Variants in AHNAK observed in about 807,000 individuals in gnomAD.
AHNAK encodes neuroblast differentiation-associated protein AHNAK.
In AHNAK, 23 loss-of-function variants were observed where a neutral mutation model predicts 37.8. The ratio of observed to expected loss-of-function variants is 0.61; its 90% CI spans 0.44 to 0.86. AHNAK has a LOEUF of 0.86. Ranked by LOEUF, AHNAK falls within the 40% of genes least tolerant of loss-of-function variation. The pLI is 0.00. For missense variants in AHNAK, 7,411 were observed against 7,319.4 expected (o/e 1.01, Z -0.46); for synonymous variants, 2,481 against 2,636.3 (o/e 0.94, Z 1.80).
In AHNAK at chr11:62,447,358, T is replaced by C. The variant is rs1938439901; in HGVS notation, c.443-13467A>G. Reference sequence around the variant, plus strand: ...CTGCCCAGTGGGATCTAGGGGGAGATTAGCAGGAATCTTCTGGGGACGATC... The same window carrying C: ...CTGCCCAGTGGGATCTAGGGGGAGACTAGCAGGAATCTTCTGGGGACGATC... On this transcript the variant is annotated intron_variant, in intron 5 of 5. Coordinates refer to the AHNAK transcript ENST00000257247. Among the ~76,000 whole-genome samples the C allele has an allele frequency of 2.0e-5, 3 of 151,936 alleles. No homozygotes were observed. The South Asian group carries it at 6.2e-4, about 32-fold the overall frequency.
In AHNAK at chr11:62,520,858, G is replaced by C. The variant is rs1565226739; in HGVS notation, c.13559C>G (p.Ser4520Cys). The C allele has an allele frequency of 6.2e-7, 1 of 1,614,118 alleles. No individual in the cohort carries two copies. The highest frequency in any genetic ancestry group is 8.5e-7 in the Non-Finnish European group (1 of 1,180,036). The change falls in exon 5 of 5, where the codon TCC becomes TGC. Residue 4520 changes from serine (S) to cysteine (C), a missense_variant. Transcript: ENST00000378024. Reference protein sequence around the residue: ...PDVHFKSPQISMSDIDLNLKG... With the variant: ...PDVHFKSPQICMSDIDLNLKG... ...CAAATTCAAATCAATGTCACTCATG[G>C]AGATTTGTGGGCTTTTGAAATGTAC...
Position 62,526,889 on chromosome 11 carries a change from T to C in AHNAK, c.7528A>G (p.Met2510Val). ...DVQAPDWHLK[M>V]PKMKMPKFSM... is the part of the protein sequence containing the mutation. Reference sequence around the variant, plus strand: ...AACTTGGGCATTTTCATCTTGGGCATCTTCAGGTGCCAGTCTGGAGCTTGG... The same window carrying C: ...AACTTGGGCATTTTCATCTTGGGCACCTTCAGGTGCCAGTCTGGAGCTTGG... The change falls in exon 5 of 5, where the codon ATG (methionine) becomes GTG (valine). Residue 2510 changes from methionine (M) to valine (V), a missense_variant. By Grantham distance (21) the Met-to-Val change is conservative (BLOSUM62 1). Transcript: ENST00000378024. 1 of 1,614,176 alleles carries C rather than the reference T, an allele frequency of 6.2e-7. No homozygotes were observed. The highest frequency in any genetic ancestry group is 8.5e-7 in the Non-Finnish European group (1 of 1,180,032).
intron 5 of AHNAK, among the ~76,000 whole-genome samples, chr11:62,449,071 G>GATA (rs1256497550): frequency 4.0e-5 from 6 of 151,724 alleles, no homozygotes; most frequent in Admixed American, 1.3e-4. Context: ...CTGTCTCAAA[G>GATA]ATAATAATAA....
At position 62,473,508 on chromosome 11, in the gene AHNAK, C is replaced by T. The variant is rs1247610470; in HGVS notation, c.442+18224G>A. ...CAGGAGATCGAGACCAAGGTGAAAC[C>T]CCGTCTCTCCTAAAAATACAAAAAC... On this transcript the variant is annotated intron_variant, in intron 5 of 5. Transcript: ENST00000257247. Among the ~76,000 whole-genome samples the T allele has an allele frequency of 6.6e-5, 10 of 151,858 alleles. No homozygotes were observed. In the East Asian group the frequency reaches 1.5e-3, roughly 23 times the overall value.
At chr11:62,475,455 C>T (rs1000542250) in intron 5 of AHNAK, among the ~76,000 whole-genome samples, 12 of 152,032 alleles carry the variant, frequency 7.9e-5, no homozygotes, top group African/African-American at 2.9e-4. Context: ...TAAGTGGGAG[C>T]TAAATGATGA....
intron 1 of AHNAK, among the ~76,000 whole-genome samples, chr11:62,544,047 G>A (rs1273878286): frequency 7.3e-5 from 11 of 151,064 alleles, no homozygotes; most frequent in African/African-American, 1.9e-4. Flanking sequence ...ACACCCCTCC[G>A]CCCCCACGGC....
At chr11:62,484,978 G>A (rs572473778) in intron 5 of AHNAK, among the ~76,000 whole-genome samples, 65 of 152,122 alleles carry the variant, frequency 4.3e-4, no homozygotes, top group African/African-American at 5.1e-4. Context: ...TAGTAGAGAC[G>A]GGGTTTCTCC....
Position 62,520,544 on chromosome 11 carries a change from G to A in AHNAK, c.13873C>T (p.Pro4625Ser). The A allele has an allele frequency of 6.2e-7, 1 of 1,614,084 alleles. No homozygotes were observed. Among genetic ancestry groups the A allele is most frequent in the Non-Finnish European group, 8.5e-7 (1 of 1,180,034 alleles). ...TTGGGGTCCCTGATGTCAACTTCGGGGCCCTTGAGGTCGCCTTCCACTTTG... is the reference window on the plus strand; with the variant it reads ...TTGGGGTCCCTGATGTCAACTTCGGAGCCCTTGAGGTCGCCTTCCACTTTG... The part of the protein sequence containing the change: ...LPKVEGDLKG[P>S]EVDIRDPKVD... The change falls in exon 5 of 5, where the codon CCC becomes TCC. Residue 4625 changes from proline to serine, a missense_variant. By Grantham distance (74) the Pro-to-Ser change is moderately conservative. Coordinates refer to ENST00000378024, the MANE Select transcript of AHNAK (RefSeq NM_001620.3).
chr11:62,505,807 C>T (rs1939800709), intron 4 of AHNAK, among the ~76,000 whole-genome samples: 1 of 151,166 alleles, frequency 6.6e-6, no homozygotes, highest in Non-Finnish European at 1.5e-5. Flanking sequence ...CAGCCTCTGC[C>T]CATCCCGGGC....
intron 5 of AHNAK, among the ~76,000 whole-genome samples, chr11:62,472,087 C>T: frequency 6.6e-6 from 1 of 151,824 alleles, no homozygotes; most frequent in East Asian, 1.9e-4. Context: ...AGGCAGAGGG[C>T]TGGCTCCGTA....
intron 5 of AHNAK, among the ~76,000 whole-genome samples, chr11:62,483,088 G>A (rs893413237): frequency 2.0e-5 from 3 of 152,156 alleles, no homozygotes; most frequent in Non-Finnish European, 4.4e-5. Flanking sequence ...CCTGGTCAGA[G>A]GTGGGAAACT....
At chr11:62,494,736 C>T (rs933350050) in intron 4 of AHNAK, among the ~76,000 whole-genome samples, 5 of 151,990 alleles carry the variant, frequency 3.3e-5, no homozygotes, top group African/African-American at 7.3e-5. Flanking sequence ...GACCGCCGGG[C>T]GCAGTGGCTC....
chr11:62,489,869 G>A (rs376090097), intron 5 of AHNAK, among the ~76,000 whole-genome samples: 40 of 152,244 alleles, frequency 2.6e-4, no homozygotes, highest in African/African-American at 9.4e-4. Context: ...TAGGAAGGGA[G>A]GGCAAAGTCA....
At chr11:62,508,133 G>A (rs1035170095) in intron 4 of AHNAK, among the ~76,000 whole-genome samples, 4 of 152,184 alleles carry the variant, frequency 2.6e-5, no homozygotes, top group South Asian at 2.1e-4. Flanking sequence ...AACTACTTTC[G>A]ACAATGTTAA....
At chr11:62,447,402 C>G (rs1364267868) in intron 5 of AHNAK, among the ~76,000 whole-genome samples, 1 of 152,170 alleles carries the variant, frequency 6.6e-6, no homozygotes, top group Non-Finnish European at 1.5e-5. Context: ...ATCACCACCC[C>G]ACATCCCACC....
rs201593076 is a variant in AHNAK, at chr11:62,532,509, G to A, written c.1908C>T (p.Phe636=). The change falls in exon 5 of 5, where the codon TTC becomes TTT. Residue 636 remains phenylalanine (F), a synonymous_variant. Coordinates refer to ENST00000378024, the MANE Select transcript of AHNAK (RefSeq NM_001620.3). The part of the protein sequence containing the change: ...LKMPKMKMPT[F]STPGAKGEGP... ...CTTCCCCTTTGGCTCCTGGAGTGCTGAACGTGGGCATTTTCATCTTGGGCA... is the reference window on the plus strand; with the variant it reads ...CTTCCCCTTTGGCTCCTGGAGTGCTAAACGTGGGCATTTTCATCTTGGGCA... 1.1e-5 allele frequency: 18 copies of A among 1,613,990 alleles called. No homozygotes were observed. The highest frequency in any genetic ancestry group is 1.1e-4 in the African/African-American group (8 of 74,944).
intron 5 of AHNAK, among the ~76,000 whole-genome samples, chr11:62,441,152 C>T (rs1938297242): frequency 6.6e-6 from 1 of 151,902 alleles, no homozygotes. Flanking sequence ...AAGTGTGTGC[C>T]ACCACGCCCG....
At chr11:62,468,585 T>G (rs1437918009) in intron 5 of AHNAK, among the ~76,000 whole-genome samples, 1 of 152,084 alleles carries the variant, frequency 6.6e-6, no homozygotes, top group Non-Finnish European at 1.5e-5. Flanking sequence ...AAACTGTTCA[T>G]CTGACCTTCT....
intron 5 of AHNAK, among the ~76,000 whole-genome samples, chr11:62,457,413 A>C (rs1315990290): frequency 6.6e-6 from 1 of 150,938 alleles, no homozygotes; most frequent in Non-Finnish European, 1.5e-5. Flanking sequence ...TTGCCACTGC[A>C]CTCCAGCCTG....
Sources: allele counts gnomAD v4.1 joint callset (sites outside exome capture counted in the v4.1 genomes callset), GRCh38; gene constraint gnomAD v4.1.1; transcripts MANE v1.5; gene names NCBI Gene and HGNC (gene_info 2026-07-23, HGNC 2026-07-21).